IQGAP3: variants seen among roughly 807,000 people sequenced by gnomAD.
The protein encoded by IQGAP3 is ras GTPase-activating-like protein IQGAP3.
A neutral mutation model predicts 208.2 loss-of-function variants in IQGAP3; 165 were observed. That is an observed-to-expected ratio of 0.79 (90% CI 0.70 to 0.90). IQGAP3 has a LOEUF of 0.90. Ranked by LOEUF, IQGAP3 falls within the 40% of genes least tolerant of loss-of-function variation. The pLI is 0.00. For synonymous variants in IQGAP3, 703 were observed against 803.6 expected (o/e 0.87, Z 2.12); for missense variants, 1,811 against 2,043.1 (o/e 0.89, Z 2.19).
chr1:156,567,219 T>A (rs1375774708), intron 2 of IQGAP3, among the ~76,000 whole-genome samples: 1 of 152,200 alleles, frequency 6.6e-6, no homozygotes, highest in African/African-American at 2.4e-5. Context: ...CTTCTTTCAT[T>A]CTGGGTTGTT....
At chr1:156,562,187 C>T (rs913846266) in intron 9 of IQGAP3, among the ~76,000 whole-genome samples, 186 bp from the exon 10 acceptor site, 2 of 152,048 alleles carry the variant, frequency 1.3e-5, no homozygotes, top group Non-Finnish European at 1.5e-5. Flanking sequence ...CTTCTCACTT[C>T]GCCGCCCCAG....
Position 156,563,125 on chromosome 1 carries a change from A to C in IQGAP3, c.798+9T>G, listed in dbSNP as rs1456903292. On this transcript the variant is annotated intron_variant, in intron 8 of 37. Coordinates refer to ENST00000361170, the MANE Select transcript of IQGAP3 (RefSeq NM_178229.5). ...TTTTCGGTCCCTGCAACCCAAGACT[A>C]CTCCTTACATGGTTCCTGGCATTGG... 2 of 1,574,958 alleles carry C rather than the reference A, an allele frequency of 1.3e-6. No individual in the cohort carries two copies. The highest frequency in any genetic ancestry group is 1.7e-6 in the Non-Finnish European group (2 of 1,155,688).
chr1:156,540,771 C>T lies in IQGAP3; in HGVS notation c.2676G>A (p.Glu892=). 3.1e-6 allele frequency: 5 copies of T among 1,614,158 alleles called. No individual in the cohort carries two copies. The highest frequency in any genetic ancestry group is 4.2e-6 in the Non-Finnish European group (5 of 1,180,036). Reference sequence around the variant, plus strand: ...TGATGTCCATGATGTTGAGGTCCTGCTCCAGCTGCTGATTGGATCGGATCT... The same window carrying T: ...TGATGTCCATGATGTTGAGGTCCTGTTCCAGCTGCTGATTGGATCGGATCT... ...VRKIRSNQQL[E]QDLNIMDIKI... The change falls in exon 23 of 38, where the codon GAG becomes GAA. Residue 892 remains glutamate, a synonymous_variant. Transcript: ENST00000361170.
intron 37 of IQGAP3, among the ~76,000 whole-genome samples, chr1:156,527,442 C>T (rs1487774598): frequency 6.6e-6 from 1 of 152,092 alleles, no homozygotes; most frequent in Non-Finnish European, 1.5e-5. Flanking sequence ...TGCGCCATTG[C>T]ACTCCAGCCT....
At chr1:156,537,095 A>G in intron 27 of IQGAP3, 86 bp downstream of exon 27, 1 of 1,420,740 alleles carries the variant, frequency 7.0e-7, no homozygotes, top group Non-Finnish European at 9.6e-7. Context: ...TCCTCCCTGC[A>G]GGACTATCAC....
chr1:156,563,844 A>G lies in IQGAP3; in HGVS notation c.438-20T>C, dbSNP rs766811005. 3 of 1,608,288 alleles carry G rather than the reference A, an allele frequency of 1.9e-6. No homozygotes were observed. The South Asian group carries it at 3.3e-5, about 18-fold the overall frequency. ...AAGAGACTAGGAAAAAACGGAAGGC[A>G]TTGGAAGGCACTGGGGCCTATTCAT... is the stretch of plus-strand genomic sequence containing the variant. On this transcript the variant is annotated intron_variant, in intron 5 of 37. Coordinates refer to ENST00000361170, the MANE Select transcript of IQGAP3 (RefSeq NM_178229.5).
rs1674012188 is a variant in IQGAP3, at chr1:156,525,728, T to TAAAAAAA, written c.*757_*758insTTTTTTT. 8.4e-5 allele frequency: 1 copy of TAAAAAAA among 11,968 alleles called. No homozygotes were observed. The highest frequency in any genetic ancestry group is 1.6e-4 in the African/African-American group (1 of 6,208). 0.7% of individuals were successfully genotyped at this position (11,968 alleles called of 1,614,324 possible). Reference sequence around the variant, plus strand: ...GGGAAAATGAGAACTCTCTTTGAGCTCAAAAAAAAAAAAAAAAAAAAAAAA... The same window carrying TAAAAAAA: ...GGGAAAATGAGAACTCTCTTTGAGCTAAAAAAACAAAAAAAAAAAAAAAAAAAAAAAA... On this transcript the variant is annotated 3_prime_UTR_variant, in exon 38 of 38. Coordinates refer to ENST00000361170, the MANE Select transcript of IQGAP3 (RefSeq NM_178229.5).
chr1:156,540,420 T>C, intron 23 of IQGAP3, among the ~76,000 whole-genome samples: 1 of 152,134 alleles, frequency 6.6e-6, no homozygotes, highest in East Asian at 1.9e-4. Flanking sequence ...ATTCTCAGTT[T>C]GCTAATGAGA....
rs200817577 is a variant in IQGAP3, at chr1:156,528,964, T to C, written c.4523A>G (p.Tyr1508Cys). 1.2e-6 allele frequency: 2 copies of C among 1,613,946 alleles called. No homozygotes were observed. Among genetic ancestry groups the C allele is most frequent in the Non-Finnish European group, 1.7e-6 (2 of 1,180,018 alleles). Residue 1508 changes from tyrosine (Y) to cysteine (C), a missense_variant, in exon 35 of 38, where the codon TAC becomes TGC. By Grantham distance (194) the Tyr-to-Cys change is radical. Coordinates refer to ENST00000361170, the MANE Select transcript of IQGAP3 (RefSeq NM_178229.5). The stretch of plus-strand genomic sequence containing the variant: ...CAGGCAGGCCCGGATGTACTGGCTG[T>C]AGTAGTCACCCTGCTCCTCATAGAA... Reference protein sequence around the residue: ...TTFYEEQGDYYSQYIRACLDH... With the variant: ...TTFYEEQGDYCSQYIRACLDH...
At chr1:156,538,703 T>A in intron 26 of IQGAP3, 106 bp downstream of exon 26, 1 of 881,238 alleles carries the variant, frequency 1.1e-6, no homozygotes, top group African/African-American at 1.7e-5. Flanking sequence ...TGCCCATTTA[T>A]ATGCCACCTT....
Position 156,532,979 on chromosome 1 carries a change from C to T in IQGAP3, c.4103+1G>A. On this transcript the variant is annotated splice_donor_variant, in intron 32 of 37. Coordinates refer to ENST00000361170, the MANE Select transcript of IQGAP3 (RefSeq NM_178229.5). LOFTEE classifies it high-confidence loss of function. The stretch of plus-strand genomic sequence containing the variant: ...CAGGGGCAGAGGCTGGCATCACCCA[C>T]CTCAGAAGCAGGCTACGGGTGTTGG... 2 of 1,613,960 alleles carry T rather than the reference C, an allele frequency of 1.2e-6. No homozygotes were observed. Among genetic ancestry groups the T allele is most frequent in the Non-Finnish European group, 1.7e-6 (2 of 1,179,924 alleles).
At chr1:156,563,471 G>T in intron 7 of IQGAP3, 82 bp downstream of exon 7, 3 of 1,374,022 alleles carry the variant, frequency 2.2e-6, no homozygotes, top group Non-Finnish European at 3.0e-6. Context: ...GAGCTGGCCA[G>T]AACCCATCCA....
chr1:156,566,160 G>C (rs1016677055), intron 3 of IQGAP3, 56 bp from the exon 4 acceptor site: 2 of 1,478,724 alleles, frequency 1.4e-6, no homozygotes, highest in Non-Finnish European at 1.9e-6. Context: ...CTCCCTATGG[G>C]TAAAGCCCAG....
At chr1:156,526,970 T>C (rs2102342717) in intron 37 of IQGAP3, among the ~76,000 whole-genome samples, 1 of 151,818 alleles carries the variant, frequency 6.6e-6, no homozygotes, top group South Asian at 2.1e-4. Context: ...GTAGCTGGGA[T>C]TACAGGCAGG....
At chr1:156,555,045 C>T (rs1675763094) in intron 12 of IQGAP3, among the ~76,000 whole-genome samples, 1 of 151,890 alleles carries the variant, frequency 6.6e-6, no homozygotes, top group African/African-American at 2.4e-5. Context: ...CAGAGCCAGA[C>T]CGTCTTAAAA....
chr1:156,539,172 C>T lies in IQGAP3; in HGVS notation c.3057-139G>A, dbSNP rs982528778. 10 of 864,346 alleles carry T rather than the reference C, an allele frequency of 1.2e-5. No homozygotes were observed. In the South Asian group the frequency reaches 1.6e-4, roughly 14 times the overall value. 53.5% of individuals were successfully genotyped at this position (864,346 alleles called of 1,614,324 possible). A position where few individuals can be genotyped will look rare whatever the true frequency, so the allele number is the denominator to read the frequency against. On this transcript the variant is annotated intron_variant, in intron 25 of 37. Transcript: ENST00000361170. Reference sequence around the variant, plus strand: ...AGGAATGTCTTGATATCTCTCTCATCCTTTGTGTTAGCATGTCAGCCCATA... The same window carrying T: ...AGGAATGTCTTGATATCTCTCTCATTCTTTGTGTTAGCATGTCAGCCCATA...
chr1:156,544,471 G>A lies in IQGAP3; in HGVS notation c.2306C>T (p.Ala769Val), dbSNP rs1426225708. Reference sequence around the variant, plus strand: ...CCGCTGCCTATAACCCCGCCAATGAGCCTGCACATCAGGAGAGAAAGGGAA... The same window carrying A: ...CCGCTGCCTATAACCCCGCCAATGAACCTGCACATCAGGAGAGAAAGGGAA... ...TWLPAVIKIQ[A>V]HWRGYRQRKI... Residue 769 changes from alanine to valine, a missense_variant and splice_region_variant, in exon 20 of 38, where the codon GCT (alanine) becomes GTT (valine). Transcript: ENST00000361170. 8 of 1,613,314 alleles carry A rather than the reference G, an allele frequency of 5.0e-6. No individual in the cohort carries two copies. Among genetic ancestry groups the A allele is most frequent in the Non-Finnish European group, 5.1e-6 (6 of 1,179,366 alleles).
chr1:156,527,781 G>C (rs1478305928), intron 37 of IQGAP3, among the ~76,000 whole-genome samples, 171 bp downstream of exon 37: 1 of 152,174 alleles, frequency 6.6e-6, no homozygotes, highest in East Asian at 1.9e-4. Context: ...GGAAAGGGGG[G>C]CTTGGGCTGC....
intron 1 of IQGAP3, among the ~76,000 whole-genome samples, chr1:156,570,442 C>G (rs551300663): frequency 5.3e-5 from 8 of 150,638 alleles, no homozygotes; most frequent in East Asian, 3.9e-4. Context: ...TGGGCCTAGA[C>G]CTGAGCCCAG....
Sources: allele counts gnomAD v4.1 joint callset (sites outside exome capture counted in the v4.1 genomes callset), GRCh38; gene constraint gnomAD v4.1.1; transcripts MANE v1.5; gene names NCBI Gene and HGNC (gene_info 2026-07-23, HGNC 2026-07-21).